The following CHSY3 variants were observed in gnomAD, a reference collection of about 807,000 sequenced individuals.
The protein encoded by CHSY3 is chondroitin sulfate synthase 3.
Under a neutral mutation model 67.2 loss-of-function variants are expected in CHSY3, and 35 were observed. The ratio of observed to expected loss-of-function variants is 0.52; its 90% confidence interval spans 0.40 to 0.69. The LOEUF (loss-of-function observed/expected upper bound fraction) is 0.69, where lower values mean the gene tolerates loss of function less well. Among genes scored for constraint, CHSY3 ranks in the 30% least tolerant of loss-of-function variants. The probability of loss-of-function intolerance (pLI) is 0.00; values close to 1 mark genes in which losing one functional copy is unlikely to be tolerated. For synonymous variants in CHSY3, 474 were observed against 434.7 expected, an observed-to-expected ratio of 1.09 and a Z score of -1.12; for missense variants, 1,069 against 1,138.5, an observed-to-expected ratio of 0.94 and a Z score of 0.88.
intron 2 of CHSY3, among the ~76,000 whole-genome samples, chr5:129,948,883 G>A (rs888578208): frequency 6.6e-6 from 1 of 152,086 alleles, no homozygotes; most frequent in Non-Finnish European, 1.5e-5. Flanking sequence ...GCAGTAGTGG[G>A]ATTGTTGAAT....
intron 2 of CHSY3, among the ~76,000 whole-genome samples, chr5:130,124,927 C>A (rs1343096376): frequency 6.6e-6 from 1 of 152,206 alleles, no homozygotes; most frequent in African/African-American, 2.4e-5. Flanking sequence ...TCTTAAGGCA[C>A]CTCTCATATT....
At position 130,146,691 on chromosome 5, in the gene CHSY3, T is replaced by C. The variant is rs181459163; in HGVS notation, c.1087-37538T>C. Reference sequence around the variant, plus strand: ...GATACTAAATACACTGATTTCATCATTATACATACATATTGAAACATCAAA... The same window carrying C: ...GATACTAAATACACTGATTTCATCACTATACATACATATTGAAACATCAAA... On this transcript the variant is annotated intron_variant, in intron 2 of 2. Coordinates refer to ENST00000305031, the MANE Select transcript of CHSY3 (RefSeq NM_175856.5). 2.1e-3 allele frequency among the ~76,000 whole-genome samples: 321 copies of C among 152,296 alleles called. 6 individuals are homozygous for C. The South Asian group carries it at 0.035, about 17-fold the overall frequency.
chr5:130,181,269 C>A (rs1225740902), intron 2 of CHSY3, among the ~76,000 whole-genome samples: 2 of 152,096 alleles, frequency 1.3e-5, no homozygotes, highest in Admixed American at 1.3e-4. Flanking sequence ...TTATTTCAAG[C>A]AAATTAATAT....
At chr5:130,176,901 T>C (rs572228618) in intron 2 of CHSY3, among the ~76,000 whole-genome samples, 1 of 152,142 alleles carries the variant, frequency 6.6e-6, no homozygotes, top group Non-Finnish European at 1.5e-5. Flanking sequence ...GGTGATGGGT[T>C]GATGAGTGCA....
chr5:130,116,973 G>A (rs1767829071), intron 2 of CHSY3, among the ~76,000 whole-genome samples: 1 of 152,040 alleles, frequency 6.6e-6, no homozygotes, highest in Non-Finnish European at 1.5e-5. Context: ...AAAGGGACCT[G>A]GGCTTCTTTT....
intron 2 of CHSY3, among the ~76,000 whole-genome samples, chr5:130,071,785 T>C (rs1337380981): frequency 4.6e-5 from 7 of 151,976 alleles, no homozygotes; most frequent in Admixed American, 3.9e-4. Context: ...TGAGGACCCT[T>C]TGTATTATTT....
chr5:129,996,142 T>G (rs1763531504), intron 2 of CHSY3, among the ~76,000 whole-genome samples: 1 of 152,060 alleles, frequency 6.6e-6, no homozygotes, highest in Non-Finnish European at 1.5e-5. Context: ...CTTGTCAGAG[T>G]GATTTTTGTT....
At position 130,127,072 on chromosome 5, in the gene CHSY3, G is replaced by A. The variant is rs57859431; in HGVS notation, c.1087-57157G>A. On this transcript the variant is annotated intron_variant, in intron 2 of 2. Coordinates refer to ENST00000305031, the MANE Select transcript of CHSY3 (RefSeq NM_175856.5). ...ATCTATTTTCCTCTGATACATATGT[G>A]GACACCATTGGGAATCTAATCTGAA... Among the ~76,000 whole-genome samples, 1,203 of 152,176 alleles carry A rather than the reference G, an allele frequency of 7.9e-3. 21 individuals are homozygous for A. Among genetic ancestry groups the A allele is most frequent in the African/African-American group, 0.028 (1,154 of 41,510 alleles).
At chr5:130,141,839 A>G in intron 2 of CHSY3, 1 of 362,116 alleles carries the variant, frequency 2.8e-6, no homozygotes, top group Non-Finnish European at 5.4e-6. Context: ...ATAATTACCA[A>G]CCTGTACCAG....
At chr5:129,968,758 G>A (rs373312435) in intron 2 of CHSY3, among the ~76,000 whole-genome samples, 154 of 151,938 alleles carry the variant, frequency 1.0e-3, no homozygotes, top group African/African-American at 3.0e-3. Flanking sequence ...GCCAATGTGT[G>A]TTTAAAACAC....
chr5:130,129,331 T>A (rs1157605542), intron 2 of CHSY3, among the ~76,000 whole-genome samples: 1 of 152,098 alleles, frequency 6.6e-6, no homozygotes, highest in Non-Finnish European at 1.5e-5. Context: ...TGTGCCATGG[T>A]GGTAACATGA....
chr5:129,926,730 T>C (rs1261733341), intron 2 of CHSY3, among the ~76,000 whole-genome samples: 1 of 151,976 alleles, frequency 6.6e-6, no homozygotes, highest in Non-Finnish European at 1.5e-5. Context: ...ACTTTTGTTA[T>C]TGAGCGTTTG....
intron 2 of CHSY3, among the ~76,000 whole-genome samples, chr5:130,154,309 G>A (rs982572066): frequency 7.2e-5 from 11 of 152,156 alleles, no homozygotes; most frequent in African/African-American, 2.4e-4. Context: ...AAGACAAATA[G>A]CTTTTCACTT....
chr5:130,154,642 A>G (rs1336146888), intron 2 of CHSY3, among the ~76,000 whole-genome samples: 1 of 152,226 alleles, frequency 6.6e-6, no homozygotes, highest in African/African-American at 2.4e-5. Flanking sequence ...GTGGTTATGT[A>G]GCACATAGTG....
At chr5:130,129,761 C>A (rs1016379728) in intron 2 of CHSY3, among the ~76,000 whole-genome samples, 5 of 152,076 alleles carry the variant, frequency 3.3e-5, no homozygotes, top group Non-Finnish European at 7.4e-5. Flanking sequence ...TTGTAGGAAG[C>A]TGCAGACTTG....
intron 2 of CHSY3, among the ~76,000 whole-genome samples, chr5:130,000,106 C>T (rs748188347): frequency 2.0e-5 from 3 of 152,162 alleles, no homozygotes; most frequent in Non-Finnish European, 2.9e-5. Flanking sequence ...ATTTAAAGAA[C>T]TCAAACTTCT....
chr5:129,951,449 C>T (rs766611670), intron 2 of CHSY3, among the ~76,000 whole-genome samples: 10 of 152,170 alleles, frequency 6.6e-5, no homozygotes, highest in Non-Finnish European at 1.2e-4. Flanking sequence ...GGCACATTTA[C>T]ACAAAATATG....
chr5:129,991,761 G>C (rs981147273), intron 2 of CHSY3, among the ~76,000 whole-genome samples: 1 of 152,152 alleles, frequency 6.6e-6, no homozygotes, highest in Non-Finnish European at 1.5e-5. Flanking sequence ...AGAAAGAGTA[G>C]GGGGAAGAGG....
intron 2 of CHSY3, among the ~76,000 whole-genome samples, chr5:130,007,554 G>A (rs984520548): frequency 1.3e-5 from 2 of 152,124 alleles, no homozygotes; most frequent in African/African-American, 4.8e-5. Context: ...ATGGTTTGTG[G>A]CCCACATTTG....
Sources: gnomAD v4.1 joint callset for allele counts (sites outside exome capture counted in the v4.1 genomes callset) on GRCh38, gnomAD v4.1.1 for gene constraint, MANE v1.5 for transcripts, NCBI Gene and HGNC (gene_info 2026-07-23, HGNC 2026-07-21) for gene names.